The following MCM9 variants were observed in gnomAD, a reference collection of about 807,000 sequenced individuals.
The protein encoded by MCM9 is minichromosome maintenance 9 homologous recombination repair factor.
Under a neutral mutation model 72.8 loss-of-function variants are expected in MCM9, and 55 were observed. The ratio of observed to expected loss-of-function variants is 0.76; its 90% confidence interval spans 0.61 to 0.95. The LOEUF (loss-of-function observed/expected upper bound fraction) is 0.95. Among genes scored for constraint, MCM9 ranks in the 40% least tolerant of loss-of-function variants. The pLI is 0.00. For synonymous variants in MCM9, 480 were observed against 503.4 expected (o/e 0.95, Z 0.62); for missense variants, 1,279 against 1,377.0 (o/e 0.93, Z 1.13).
chr6:118,869,677 T>C (rs1419368948), intron 8 of MCM9, among the ~76,000 whole-genome samples: 1 of 147,668 alleles, frequency 6.8e-6, no homozygotes, highest in Non-Finnish European at 1.5e-5. Context: ...TTACTTTCAA[T>C]GTAAATGATT....
At chr6:118,905,597 TG>T (rs1448686819) in intron 8 of MCM9, 1 of 1,433,634 alleles carries the variant, frequency 7.0e-7, no homozygotes. Context: ...CAGTCTTGCC[TG>T]CCACTAACAG....
At chr6:118,923,142 G>C (rs1290853954) in intron 4 of MCM9, among the ~76,000 whole-genome samples, 1 of 151,814 alleles carries the variant, frequency 6.6e-6, no homozygotes, top group African/African-American at 2.4e-5. Flanking sequence ...AATTATTTTA[G>C]GTAAGAATAA....
In MCM9 at chr6:118,832,219, C is replaced by G. The variant is rs192570297; in HGVS notation, c.1326-2969G>C. Among the ~76,000 whole-genome samples, 795 of 152,262 alleles carry G rather than the reference C, an allele frequency of 5.2e-3. 1 individual carries two copies. The highest frequency in any genetic ancestry group is 5.9e-3 in the Non-Finnish European group (399 of 68,032). On this transcript the variant is annotated intron_variant, in intron 9 of 13. Coordinates refer to ENST00000619706, the MANE Select transcript of MCM9 (RefSeq NM_017696.3). ...AGCATTACAGGTGTACATCACCATG[C>G]CCAGCTGATTTTCAGAAAATTTTTT... is the stretch of plus-strand genomic sequence containing the variant.
At position 118,835,098 on chromosome 6, in the gene MCM9, C is replaced by T. The variant is rs190807872; in HGVS notation, c.1326-5848G>A. On this transcript the variant is annotated intron_variant, in intron 9 of 13. Coordinates refer to ENST00000619706, the MANE Select transcript of MCM9 (RefSeq NM_017696.3). ...CCAGTTTTCCCAACACCATTTATTA[C>T]ATGAGGAATAATTTCCCCATTGCTT... 8.8e-4 allele frequency among the ~76,000 whole-genome samples: 134 copies of T among 152,260 alleles called. 1 individual carries two copies. The highest frequency in any genetic ancestry group is 3.0e-3 in the African/African-American group (123 of 41,574).
chr6:118,856,304 T>A, intron 9 of MCM9, 67 bp downstream of exon 9: 1 of 1,438,610 alleles, frequency 7.0e-7, no homozygotes, highest in Non-Finnish European at 9.2e-7. Context: ...TCAACAAGGT[T>A]CACATTTTCC....
chr6:118,843,657 T>TATATATATATATATATATATAC (rs1378043575), intron 9 of MCM9, among the ~76,000 whole-genome samples: 3 of 33,842 alleles, frequency 8.9e-5, no homozygotes, highest in Non-Finnish European at 1.8e-4. Context: ...TATATATATG[T>TATATATATATATATATATATAC]GTATATATAT....
intron 8 of MCM9, among the ~76,000 whole-genome samples, chr6:118,881,931 G>A: frequency 6.6e-6 from 1 of 152,150 alleles, no homozygotes; most frequent in East Asian, 1.9e-4. Flanking sequence ...ATGTGGTCAA[G>A]AAGAGGAGCT....
In MCM9 at chr6:118,883,407, G is replaced by A. The variant is rs1778418519; in HGVS notation, c.1151-26862C>T. ...ACCAGAAGGAGGGGAACTAAAAGGAGTAGAAAAAAAGTTAGAAAAAAATGA... is the reference window on the plus strand; with the variant it reads ...ACCAGAAGGAGGGGAACTAAAAGGAATAGAAAAAAAGTTAGAAAAAAATGA... On this transcript the variant is annotated intron_variant, in intron 8 of 13. Coordinates refer to ENST00000619706, the MANE Select transcript of MCM9 (RefSeq NM_017696.3). Among the ~76,000 whole-genome samples the A allele has an allele frequency of 4.0e-5, 6 of 151,072 alleles. No homozygotes were observed. In the South Asian group the frequency reaches 1.3e-3, roughly 32 times the overall value.
At chr6:118,897,442 TTA>T (rs34389809) in intron 8 of MCM9, among the ~76,000 whole-genome samples, 1,580 of 151,156 alleles carry the variant, frequency 0.01, 29 homozygotes, top group African/African-American at 0.036. Flanking sequence ...ATTCTTAAAT[TTA>T]TATATATATA....
At chr6:118,903,936 C>G (rs148713118) in intron 8 of MCM9, among the ~76,000 whole-genome samples, 72 of 152,184 alleles carry the variant, frequency 4.7e-4, no homozygotes, top group South Asian at 8.3e-4. Context: ...ATTCATATCT[C>G]TAGAACAATG....
chr6:118,886,066 A>C (rs906368029), intron 8 of MCM9, among the ~76,000 whole-genome samples: 4 of 151,762 alleles, frequency 2.6e-5, no homozygotes, highest in African/African-American at 7.3e-5. Context: ...AAAAAAAAAA[A>C]ACAAAAAACA....
chr6:118,851,809 C>T (rs563664229), intron 9 of MCM9, among the ~76,000 whole-genome samples: 1 of 152,272 alleles, frequency 6.6e-6, no homozygotes, highest in East Asian at 1.9e-4. Flanking sequence ...TAATAATACA[C>T]ATTTTTGCAC....
At chr6:118,853,880 A>G (rs1776388061) in intron 9 of MCM9, among the ~76,000 whole-genome samples, 1 of 152,202 alleles carries the variant, frequency 6.6e-6, no homozygotes, top group Non-Finnish European at 1.5e-5. Flanking sequence ...TAAGTCTGAT[A>G]GATGAAACTA....
chr6:118,913,704 A>G (rs1283708837), intron 6 of MCM9, among the ~76,000 whole-genome samples: 1 of 152,148 alleles, frequency 6.6e-6, no homozygotes, highest in Non-Finnish European at 1.5e-5. Flanking sequence ...GGCTCAAGCA[A>G]TCCTTCTGCC....
At chr6:118,905,555 C>T in intron 8 of MCM9, 1 of 919,222 alleles carries the variant, frequency 1.1e-6, no homozygotes, top group Non-Finnish European at 1.6e-6. Flanking sequence ...CTTGTTGCAT[C>T]CTCAACTGAT....
At chr6:118,855,416 T>C (rs887514918) in intron 9 of MCM9, among the ~76,000 whole-genome samples, 4 of 152,178 alleles carry the variant, frequency 2.6e-5, no homozygotes, top group East Asian at 1.9e-4. Flanking sequence ...GCCTGAAACA[T>C]AGCAGGTCTT....
At chr6:118,839,253 T>C (rs955867677) in intron 9 of MCM9, among the ~76,000 whole-genome samples, 1 of 152,004 alleles carries the variant, frequency 6.6e-6, no homozygotes, top group South Asian at 2.1e-4. Context: ...GAAGTTCTTA[T>C]GCTATGTTTT....
At chr6:118,867,375 G>A (rs1046882510) in intron 8 of MCM9, among the ~76,000 whole-genome samples, 2 of 152,136 alleles carry the variant, frequency 1.3e-5, no homozygotes, top group African/African-American at 2.4e-5. Context: ...TTGTGGTGAT[G>A]CTGGTGTAAA....
chr6:118,902,811 C>T (rs1427401942), intron 8 of MCM9, among the ~76,000 whole-genome samples: 1 of 152,138 alleles, frequency 6.6e-6, no homozygotes, highest in East Asian at 1.9e-4. Flanking sequence ...CAGAAAGAGA[C>T]TAAATTACAG....
Sources: allele counts gnomAD v4.1 joint callset (sites outside exome capture counted in the v4.1 genomes callset), GRCh38; gene constraint gnomAD v4.1.1; transcripts MANE v1.5; gene names NCBI Gene and HGNC (gene_info 2026-07-23, HGNC 2026-07-21).